Variants in ADAMTS12 observed in about 807,000 individuals in gnomAD.
The protein encoded by ADAMTS12 is A disintegrin and metalloproteinase with thrombospondin motifs 12.
In ADAMTS12, 118 loss-of-function variants were observed where a neutral mutation model predicts 167.8. That is an observed-to-expected ratio of 0.70 (90% CI 0.61 to 0.82). The LOEUF (loss-of-function observed/expected upper bound fraction) is 0.82. ADAMTS12 is among the 40% of genes least tolerant of loss of function. ADAMTS12 has a pLI of 0.00. For synonymous variants in ADAMTS12, 704 were observed against 716.9 expected, an observed-to-expected ratio of 0.98 and a Z score of 0.29; for missense variants, 1,916 against 1,998.8, an observed-to-expected ratio of 0.96 and a Z score of 0.79.
At chr5:33,557,789 G>A (rs1047847541) in intron 20 of ADAMTS12, among the ~76,000 whole-genome samples, 6 of 152,150 alleles carry the variant, frequency 3.9e-5, no homozygotes, top group South Asian at 2.1e-4. Context: ...AGCATCGGGC[G>A]AGCAAGCAAA....
chr5:33,716,974 G>A (rs1743638426), intron 3 of ADAMTS12, among the ~76,000 whole-genome samples: 1 of 152,078 alleles, frequency 6.6e-6, no homozygotes, highest in Non-Finnish European at 1.5e-5. Flanking sequence ...TTCCAAAGCA[G>A]AATCCTTATT....
chr5:33,649,561 A>G lies in ADAMTS12; in HGVS notation c.1327T>C (p.Phe443Leu), dbSNP rs1740798638. The change falls in exon 8 of 24, where the codon TTC becomes CTC. Residue 443 changes from phenylalanine (F) to leucine (L), a missense_variant. Physicochemically the swap from Phe to Leu is conservative, Grantham distance 22. Transcript: ENST00000504830. Reference sequence around the variant, plus strand: ...TGAGACACTGTCACTTACTCCAAGAAGCGGGTGATGTACTCCTCGCTGCAC... The same window carrying G: ...TGAGACACTGTCACTTACTCCAAGAGGCGGGTGATGTACTCCTCGCTGCAC... ...SKCSEEYITR[F>L]LDRGWGFCLD... 6 of 1,613,436 alleles carry G rather than the reference A, an allele frequency of 3.7e-6. No individual in the cohort carries two copies. The highest frequency in any genetic ancestry group is 1.3e-5 in the African/African-American group (1 of 74,916).
At chr5:33,766,418 T>C (rs1005867908) in intron 2 of ADAMTS12, among the ~76,000 whole-genome samples, 3 of 152,140 alleles carry the variant, frequency 2.0e-5, no homozygotes, top group African/African-American at 7.2e-5. Flanking sequence ...GACATGACAG[T>C]TAATTGTAAT....
chr5:33,782,371 TA>T (rs1231621525), intron 2 of ADAMTS12, among the ~76,000 whole-genome samples: 5 of 151,608 alleles, frequency 3.3e-5, no homozygotes, highest in Admixed American at 2.6e-4. Flanking sequence ...AGCAAGGCAG[TA>T]AAAGAGAAAC....
rs70964414 is a variant in ADAMTS12 at position 33,731,190 on chromosome 5, C to CTT, written c.634+20212_634+20213dup. ...TTTCTTCTCTGCTTATCTTTCTTTT[C>CTT]TTTTTTTTTTTTTGAGACAGGGTCT... is the stretch of plus-strand genomic sequence containing the variant. On this transcript the variant is annotated intron_variant, in intron 3 of 23. Transcript: ENST00000504830. 9.5e-4 allele frequency among the ~76,000 whole-genome samples: 137 copies of CTT among 144,528 alleles called. 1 individual carries two copies. The highest frequency in any genetic ancestry group is 2.6e-3 in the African/African-American group (101 of 39,500). 94.8% of individuals were successfully genotyped at this position (144,528 alleles called of 152,430 possible).
At chr5:33,693,065 T>TCAGCAA (rs1742610680) in intron 3 of ADAMTS12, among the ~76,000 whole-genome samples, 1 of 152,248 alleles carries the variant, frequency 6.6e-6, no homozygotes, top group Non-Finnish European at 1.5e-5. Context: ...TCAGCAAGTC[T>TCAGCAA]GTTAGTCGGA....
intron 20 of ADAMTS12, among the ~76,000 whole-genome samples, chr5:33,560,042 C>G (rs555996638): frequency 6.6e-6 from 1 of 151,966 alleles, no homozygotes; most frequent in Non-Finnish European, 1.5e-5. Flanking sequence ...TAATTATATC[C>G]GTGATAATAT....
chr5:33,637,797 C>T (rs1401294308), intron 11 of ADAMTS12, 51 bp from the exon 12 acceptor site: 4 of 1,581,592 alleles, frequency 2.5e-6, no homozygotes, highest in Admixed American at 1.7e-5. Context: ...AACGCCAGCA[C>T]TTTCCTTTAA....
rs10594169 is a variant in ADAMTS12 at position 33,826,586 on chromosome 5, G to GTATA, written c.489+54529_489+54532dup. ...TATGTATGTGTATGTGTGTGTGTGT[G>GTATA]TATATATATATATATATATAATTTT... is the stretch of plus-strand genomic sequence containing the variant. On this transcript the variant is annotated intron_variant, in intron 2 of 23. Transcript: ENST00000504830. 8.5e-3 allele frequency among the ~76,000 whole-genome samples: 1,276 copies of GTATA among 149,538 alleles called. 13 individuals carry two copies. The highest frequency in any genetic ancestry group is 0.053 in the South Asian group (248 of 4,688).
At chr5:33,708,547 A>G (rs1743278346) in intron 3 of ADAMTS12, among the ~76,000 whole-genome samples, 1 of 152,198 alleles carries the variant, frequency 6.6e-6, no homozygotes, top group Non-Finnish European at 1.5e-5. Context: ...GAACCAACCC[A>G]AGTGCCTATC....
chr5:33,752,688 A>G (rs1017441602), intron 2 of ADAMTS12, among the ~76,000 whole-genome samples: 1 of 152,196 alleles, frequency 6.6e-6, no homozygotes, highest in Non-Finnish European at 1.5e-5. Context: ...TTAAGGTTGC[A>G]AAACTAAACT....
At chr5:33,668,181 T>C (rs375778551) in intron 5 of ADAMTS12, among the ~76,000 whole-genome samples, 5 of 152,204 alleles carry the variant, frequency 3.3e-5, no homozygotes, top group African/African-American at 9.6e-5. Context: ...CTACGTTAAG[T>C]GTGCTCAGAA....
intron 3 of ADAMTS12, among the ~76,000 whole-genome samples, chr5:33,725,531 C>A (rs1158791241): frequency 6.6e-6 from 1 of 152,112 alleles, no homozygotes. Context: ...GATAAGCTTG[C>A]CAAACTAAGG....
chr5:33,527,013 C>G lies in ADAMTS12; in HGVS notation c.*175G>C. The G allele has an allele frequency of 1.3e-6, 1 of 787,004 alleles. No individual in the cohort carries two copies. Among genetic ancestry groups the G allele is most frequent in the Non-Finnish European group, 2.0e-6 (1 of 501,922 alleles). The allele number at this position is 787,004 out of a possible 1,614,324, so 48.8% of individuals were successfully genotyped here. A position where few individuals can be genotyped will look rare whatever the true frequency, so the allele number is the denominator to read the frequency against. On this transcript the variant is annotated 3_prime_UTR_variant, in exon 24 of 24. Coordinates refer to ENST00000504830, the MANE Select transcript of ADAMTS12 (RefSeq NM_030955.4). ...GGAGCAGCAAGTACGGCAGCCTAGGCCTCCTGTGAGGGACATTCGGTGGCT... is the reference window on the plus strand; with the variant it reads ...GGAGCAGCAAGTACGGCAGCCTAGGGCTCCTGTGAGGGACATTCGGTGGCT...
Position 33,730,763 on chromosome 5 carries a change from T to C in ADAMTS12, c.634+20641A>G, listed in dbSNP as rs1206601689. On this transcript the variant is annotated intron_variant, in intron 3 of 23. Transcript: ENST00000504830. ...ACTGGTATAATATTAACTCCATTGA[T>C]GTTTTCACAAATTCTCAACTGGACC... Among the ~76,000 whole-genome samples, 22 of 152,358 alleles carry C rather than the reference T, an allele frequency of 1.4e-4. 1 individual carries two copies. The South Asian group carries it at 2.9e-3, about 20-fold the overall frequency.
At chr5:33,801,873 G>C (rs1348832125) in intron 2 of ADAMTS12, among the ~76,000 whole-genome samples, 2 of 152,188 alleles carry the variant, frequency 1.3e-5, no homozygotes, top group Non-Finnish European at 2.9e-5. Flanking sequence ...TATTAAAGTG[G>C]AGCTTTCAGT....
intron 2 of ADAMTS12, among the ~76,000 whole-genome samples, chr5:33,775,721 T>A (rs1015442649): frequency 6.6e-6 from 1 of 152,200 alleles, no homozygotes; most frequent in Non-Finnish European, 1.5e-5. Flanking sequence ...CACATCACCC[T>A]TCCCCAAGCC....
At chr5:33,818,639 A>G (rs1167170687) in intron 2 of ADAMTS12, among the ~76,000 whole-genome samples, 1 of 152,130 alleles carries the variant, frequency 6.6e-6, no homozygotes, top group South Asian at 2.1e-4. Flanking sequence ...TAATTTCTTT[A>G]GGAATCTCCA....
At chr5:33,758,155 T>C (rs1745230625) in intron 2 of ADAMTS12, among the ~76,000 whole-genome samples, 1 of 152,220 alleles carries the variant, frequency 6.6e-6, no homozygotes, top group African/African-American at 2.4e-5. Context: ...ATTGGGCTAT[T>C]AGCTATTATG....
Sources: gnomAD v4.1 joint callset for allele counts (sites outside exome capture counted in the v4.1 genomes callset) on GRCh38, gnomAD v4.1.1 for gene constraint, MANE v1.5 for transcripts, NCBI Gene and HGNC (gene_info 2026-07-23, HGNC 2026-07-21) for gene names.